The following CCDC146 variants were observed in gnomAD, a reference collection of about 807,000 sequenced individuals.
CCDC146 encodes coiled-coil domain containing 146.
CCDC146 carries 92 observed loss-of-function variants against 119.3 expected under a neutral mutation model. The observed-to-expected ratio is 0.77, with a 90% confidence interval of 0.65 to 0.92. CCDC146 has a LOEUF of 0.92. Ranked by LOEUF, CCDC146 falls within the 40% of genes least tolerant of loss-of-function variation. The pLI, the probability that CCDC146 is intolerant of heterozygous loss-of-function variation, is 0.00. For synonymous variants in CCDC146, 372 were observed against 371.8 expected (o/e 1.00, Z -0.01); for missense variants, 1,000 against 1,103.0 (o/e 0.91, Z 1.32).
intron 9 of CCDC146, among the ~76,000 whole-genome samples, chr7:77,270,189 C>G (rs1793483754): frequency 6.6e-6 from 1 of 152,116 alleles, no homozygotes; most frequent in African/African-American, 2.4e-5. Flanking sequence ...CAAGTAATGT[C>G]TAATTTCTTA....
intron 1 of CCDC146, among the ~76,000 whole-genome samples, chr7:77,130,700 G>A (rs1461671392): frequency 1.4e-5 from 2 of 146,668 alleles, no homozygotes; most frequent in Non-Finnish European, 3.0e-5. Flanking sequence ...CCAGGTTCAC[G>A]CCATTCTCCT....
At chr7:77,177,619 T>C (rs1791519791) in intron 2 of CCDC146, among the ~76,000 whole-genome samples, 1 of 152,216 alleles carries the variant, frequency 6.6e-6, no homozygotes, top group African/African-American at 2.4e-5. Flanking sequence ...AGACTGTGTA[T>C]TAAAACAAAG....
intron 2 of CCDC146, among the ~76,000 whole-genome samples, chr7:77,209,247 C>T (rs1321950006): frequency 6.6e-6 from 1 of 152,222 alleles, no homozygotes; most frequent in African/African-American, 2.4e-5. Context: ...AGTAAATACA[C>T]CCATTCCAAG....
At chr7:77,272,004 T>A (rs929257904) in intron 9 of CCDC146, among the ~76,000 whole-genome samples, 7 of 152,108 alleles carry the variant, frequency 4.6e-5, no homozygotes, top group Non-Finnish European at 1.0e-4. Context: ...GACAGCCCAC[T>A]CCAGGCACAC....
intron 2 of CCDC146, among the ~76,000 whole-genome samples, chr7:77,214,499 TTAG>T (rs1318940431): frequency 6.6e-6 from 1 of 152,310 alleles, no homozygotes; most frequent in East Asian, 1.9e-4. Flanking sequence ...TTTTGAGGTC[TTAG>T]TCATAAATTC....
At chr7:77,149,315 A>G (rs1791072076) in intron 1 of CCDC146, among the ~76,000 whole-genome samples, 2 of 152,370 alleles carry the variant, frequency 1.3e-5, no homozygotes, top group Admixed American at 1.3e-4. Context: ...TACACCTTAT[A>G]CAAAAATTAA....
intron 11 of CCDC146, among the ~76,000 whole-genome samples, chr7:77,277,610 A>G (rs1470902241): frequency 6.6e-6 from 1 of 152,204 alleles, no homozygotes; most frequent in Non-Finnish European, 1.5e-5. Context: ...AAACAATGTC[A>G]CTATCACCCC....
At chr7:77,226,765 A>G (rs996850303) in intron 2 of CCDC146, among the ~76,000 whole-genome samples, 1 of 152,210 alleles carries the variant, frequency 6.6e-6, no homozygotes, top group African/African-American at 2.4e-5. Flanking sequence ...AACATGACAA[A>G]CTTGAGTTCT....
At position 77,165,969 on chromosome 7, in the gene CCDC146, A is replaced by G. The variant is rs191103804; in HGVS notation, c.-11-1689A>G. 3.8e-3 allele frequency among the ~76,000 whole-genome samples: 580 copies of G among 152,352 alleles called. 5 individuals are homozygous for G. The highest frequency in any genetic ancestry group is 0.013 in the African/African-American group (545 of 41,580). On this transcript the variant is annotated intron_variant, in intron 1 of 18. Transcript: ENST00000285871. ...TTAAAGATGATTGCATGTGACAGAAAATAATAGTTTTCCAAGCTTGAATAA... is the reference window on the plus strand; with the variant it reads ...TTAAAGATGATTGCATGTGACAGAAGATAATAGTTTTCCAAGCTTGAATAA...
At chr7:77,135,754 C>T (rs1790852704) in intron 1 of CCDC146, among the ~76,000 whole-genome samples, 1 of 152,010 alleles carries the variant, frequency 6.6e-6, no homozygotes, top group East Asian at 1.9e-4. Flanking sequence ...AAGACCCAAC[C>T]ATAGGATGTC....
chr7:77,199,458 G>A (rs1324391314), intron 2 of CCDC146: 4 of 1,613,968 alleles, frequency 2.5e-6, no homozygotes, highest in African/African-American at 1.3e-5. Flanking sequence ...ACAACAGTCC[G>A]TTTCTGCCTG....
intron 2 of CCDC146, chr7:77,199,981 C>G (rs138574743): frequency 1.7e-6 from 1 of 573,386 alleles, no homozygotes; most frequent in African/African-American, 1.9e-5. Context: ...CTGTAACTTA[C>G]TCTCAATAGA....
intron 2 of CCDC146, among the ~76,000 whole-genome samples, chr7:77,192,192 C>T (rs1791780236): frequency 6.6e-6 from 1 of 152,150 alleles, no homozygotes; most frequent in African/African-American, 2.4e-5. Context: ...GGATTACAGG[C>T]ATGTGCCACC....
At chr7:77,191,782 C>T (rs1305622463) in intron 2 of CCDC146, among the ~76,000 whole-genome samples, 20 of 152,010 alleles carry the variant, frequency 1.3e-4, no homozygotes, top group Admixed American at 1.2e-3. Context: ...TGGTGGCGGG[C>T]ACCTGTAGTC....
At chr7:77,182,185 A>G (rs1244815629) in intron 2 of CCDC146, among the ~76,000 whole-genome samples, 1 of 152,212 alleles carries the variant, frequency 6.6e-6, no homozygotes, top group Admixed American at 6.5e-5. Flanking sequence ...TATAAAGGCT[A>G]CAACTAAGAA....
At chr7:77,159,531 A>G (rs574747577) in intron 1 of CCDC146, among the ~76,000 whole-genome samples, 4 of 152,218 alleles carry the variant, frequency 2.6e-5, no homozygotes, top group African/African-American at 9.6e-5. Context: ...GTCCATTCAT[A>G]TGTCCATGGA....
intron 1 of CCDC146, among the ~76,000 whole-genome samples, chr7:77,131,567 G>T (rs989405441): frequency 6.6e-6 from 1 of 151,946 alleles, no homozygotes; most frequent in African/African-American, 2.4e-5. Flanking sequence ...AAAATACAAA[G>T]ATTACCCAGG....
At chr7:77,276,213 A>AAAAAG (rs1793634885) in intron 11 of CCDC146, among the ~76,000 whole-genome samples, 1 of 151,110 alleles carries the variant, frequency 6.6e-6, no homozygotes, top group Non-Finnish European at 1.5e-5. Context: ...CTCAAAAATA[A>AAAAAG]AAAAAAAAAA....
intron 2 of CCDC146, among the ~76,000 whole-genome samples, chr7:77,223,375 A>G (rs919257640): frequency 2.0e-5 from 3 of 152,342 alleles, no homozygotes; most frequent in African/African-American, 4.8e-5. Flanking sequence ...CACCTTGCCC[A>G]TCGCATTTGC....
Sources: gnomAD v4.1 joint callset for allele counts (sites outside exome capture counted in the v4.1 genomes callset) on GRCh38, gnomAD v4.1.1 for gene constraint, MANE v1.5 for transcripts, NCBI Gene and HGNC (gene_info 2026-07-23, HGNC 2026-07-21) for gene names.